The following MTOR variants were observed in gnomAD, a reference collection of about 807,000 sequenced individuals.
MTOR encodes mechanistic target of rapamycin kinase.
A neutral mutation model predicts 319.8 loss-of-function variants in MTOR; 70 were observed. The ratio of observed to expected loss-of-function variants is 0.22; its 90% CI spans 0.18 to 0.27. The LOEUF (loss-of-function observed/expected upper bound fraction) is 0.27, where lower values mean the gene tolerates loss of function less well. Among genes scored for constraint, MTOR ranks in the 10% least tolerant of loss-of-function variants. The pLI is 1.00. For synonymous variants in MTOR, 1,183 were observed against 1,211.4 expected (o/e 0.98, Z 0.49); for missense variants, 1,890 against 3,274.4 (o/e 0.58, Z 10.32).
chr1:11,199,287 G>T lies in MTOR; in HGVS notation c.4224C>A (p.Pro1408=), dbSNP rs745324616. ...HYKELEFQKG[P]TPAILESLIS... ...TGAGAGATTCTAGAATGGCAGGGGT[G>T]GGGCCTTTCTGGAACTCCAGTTCTT... Residue 1408 remains proline (P), a synonymous_variant, in exon 28 of 58, where the codon CCC becomes CCA. Coordinates refer to ENST00000361445, the MANE Select transcript of MTOR (RefSeq NM_004958.4). This position sits in a 1 kb window ranked among gnomAD's most constrained non-coding sequence, Gnocchi z 4.5. 6.2e-7 allele frequency: 1 copy of T among 1,614,152 alleles called. No homozygotes were observed.
At chr1:11,167,665 G>A (rs1266798574) in intron 28 of MTOR, 148 bp from the exon 29 acceptor site, 2 of 641,628 alleles carry the variant, frequency 3.1e-6, no homozygotes, top group Non-Finnish European at 5.6e-6. Flanking sequence ...TTACCATCCA[G>A]AAAGCTCAGT....
chr1:11,175,458 G>A (rs1015397104), intron 28 of MTOR, among the ~76,000 whole-genome samples: 1 of 152,204 alleles, frequency 6.6e-6, no homozygotes, highest in Non-Finnish European at 1.5e-5. Flanking sequence ...AAAGTTCTTG[G>A]CAATCAAGGA....
In MTOR at chr1:11,226,295, T is replaced by C. The variant is rs570958307; in HGVS notation, c.3030+2373A>G. 1.1e-3 allele frequency: 172 copies of C among 152,266 alleles called. 2 individuals are homozygous for C. The highest frequency in any genetic ancestry group is 3.9e-3 in the African/African-American group (163 of 41,556). The allele number at this position is 152,266 out of a possible 1,614,324, so 9.4% of individuals were successfully genotyped here. On this transcript the variant is annotated intron_variant, in intron 19 of 57. Coordinates refer to ENST00000361445, the MANE Select transcript of MTOR (RefSeq NM_004958.4). The stretch of plus-strand genomic sequence containing the variant: ...CACGTATACTAGCATTGGAACAATC[T>C]AGAGAAGATTAGCATGGCCCATATG...
Position 11,129,071 on chromosome 1 carries a change from T to A in MTOR, c.5715-120A>T. On this transcript the variant is annotated intron_variant, in intron 40 of 57. Transcript: ENST00000361445. This position sits in a 1 kb window ranked among gnomAD's most constrained non-coding sequence, Gnocchi z 4.7. ...GGGACTCCAACCAGTAACTCTCAAA[T>A]GTGTTTGGCCTCCCATGGGAGCAGG... 1 of 780,926 alleles carries A rather than the reference T, an allele frequency of 1.3e-6. No individual in the cohort carries two copies. The highest frequency in any genetic ancestry group is 1.7e-5 in the African/African-American group (1 of 58,198). The allele number at this position is 780,926 out of a possible 1,614,324, so 48.4% of individuals were successfully genotyped here.
chr1:11,247,258 C>T (rs1341872119), intron 8 of MTOR, among the ~76,000 whole-genome samples: 1 of 152,196 alleles, frequency 6.6e-6, no homozygotes. Context: ...GTGACCACCT[C>T]AGGGACAGAA....
At chr1:11,256,901 G>T in intron 4 of MTOR, 32 bp downstream of exon 4, 1 of 1,597,668 alleles carries the variant, frequency 6.3e-7, no homozygotes, top group Non-Finnish European at 8.6e-7. Flanking sequence ...CGTTCCCCAA[G>T]CCTGGCTGTG....
At chr1:11,240,572 T>G in intron 10 of MTOR, 25 bp from the exon 11 acceptor site, 1 of 1,608,906 alleles carries the variant, frequency 6.2e-7, no homozygotes. Context: ...ACAAGTCACA[T>G]AAGGGCTGGG....
intron 30 of MTOR, among the ~76,000 whole-genome samples, chr1:11,153,105 A>G (rs564798245): frequency 1.3e-5 from 2 of 152,316 alleles, no homozygotes; most frequent in East Asian, 3.9e-4. Flanking sequence ...CCACATCTCA[A>G]GTCTCTTCCA....
chr1:11,112,366 T>A (rs188046909), intron 54 of MTOR, among the ~76,000 whole-genome samples: 1 of 152,342 alleles, frequency 6.6e-6, no homozygotes, highest in East Asian at 1.9e-4. Flanking sequence ...ATCAGATAGT[T>A]TGATAAAAAT....
At chr1:11,160,112 A>ATTT (rs1644430958) in intron 29 of MTOR, among the ~76,000 whole-genome samples, 17 of 150,804 alleles carry the variant, frequency 1.1e-4, no homozygotes, top group Non-Finnish European at 1.5e-4. Flanking sequence ...TTATTTATTT[A>ATTT]ATTTTGAGGC....
intron 34 of MTOR, among the ~76,000 whole-genome samples, chr1:11,142,333 G>A (rs1001855223): frequency 2.0e-4 from 31 of 152,090 alleles, no homozygotes; most frequent in Admixed American, 1.4e-3. Flanking sequence ...CTGTCCCTCA[G>A]GCTGGAGTGC....
chr1:11,157,323 G>A (rs2100569147), intron 29 of MTOR, 32 bp from the exon 30 acceptor site: 1 of 1,604,874 alleles, frequency 6.2e-7, no homozygotes, highest in East Asian at 2.2e-5. Flanking sequence ...CTGCTGTGAG[G>A]TACACAGAAG....
intron 19 of MTOR, among the ~76,000 whole-genome samples, chr1:11,222,242 G>A (rs1180255568): frequency 6.6e-6 from 1 of 151,520 alleles, no homozygotes; most frequent in Admixed American, 6.6e-5. Flanking sequence ...TGTCACCCAG[G>A]CTGGAGTGCA....
chr1:11,250,617 C>T (rs1377025039), intron 6 of MTOR, among the ~76,000 whole-genome samples: 1 of 87,332 alleles, frequency 1.1e-5, no homozygotes, highest in Non-Finnish European at 3.2e-5. Flanking sequence ...GTACTAGTTC[C>T]CTTGTGCTTC....
Position 11,193,133 on chromosome 1 carries a change from A to G in MTOR, c.4253+6125T>C, listed in dbSNP as rs376150703. Among the ~76,000 whole-genome samples the G allele has an allele frequency of 4.2e-3, 634 of 152,082 alleles. 5 individuals carry two copies. The highest frequency in any genetic ancestry group is 0.014 in the African/African-American group (598 of 41,476). On this transcript the variant is annotated intron_variant, in intron 28 of 57. Coordinates refer to ENST00000361445, the MANE Select transcript of MTOR (RefSeq NM_004958.4). ...GGACTTTGAGACCAGCCTGGCCAAC[A>G]TGCTGAAACCCAGTCTCTACTAAAA...
At chr1:11,153,535 T>C (rs2100550557) in intron 30 of MTOR, among the ~76,000 whole-genome samples, 1 of 152,382 alleles carries the variant, frequency 6.6e-6, no homozygotes, top group South Asian at 2.1e-4. Context: ...CATAACAAGA[T>C]ATGATTGTAT....
intron 9 of MTOR, 54 bp from the exon 10 acceptor site, chr1:11,241,735 C>T (rs990454274): frequency 3.4e-5 from 53 of 1,571,750 alleles, no homozygotes; most frequent in Non-Finnish European, 4.3e-5. Context: ...CTTTAATGTC[C>T]CACCTCAAAA....
At chr1:11,172,580 A>G (rs1291847950) in intron 28 of MTOR, among the ~76,000 whole-genome samples, 1 of 125,186 alleles carries the variant, frequency 8.0e-6, no homozygotes, top group Non-Finnish European at 1.7e-5. Context: ...AAAAAAAAAT[A>G]CAACTTTGGG....
At chr1:11,218,239 G>A (rs1159551960) in intron 19 of MTOR, among the ~76,000 whole-genome samples, 1 of 152,040 alleles carries the variant, frequency 6.6e-6, no homozygotes, top group Non-Finnish European at 1.5e-5. Flanking sequence ...AGATCAGCCT[G>A]GCCAACATGG....
Sources: gnomAD v4.1 joint callset for allele counts (sites outside exome capture counted in the v4.1 genomes callset) on GRCh38, gnomAD v4.1.1 for gene constraint, Gnocchi (gnomAD v3.1) non-coding constraint, MANE v1.5 for transcripts, NCBI Gene and HGNC (gene_info 2026-07-23, HGNC 2026-07-21) for gene names.